Variants in CLMN observed in about 807,000 individuals in gnomAD.
The protein encoded by CLMN is calmin, also known as calmin (calponin-like, transmembrane).
Under a neutral mutation model 92.7 loss-of-function variants are expected in CLMN, and 57 were observed. The ratio of observed to expected loss-of-function variants is 0.61; its 90% confidence interval spans 0.50 to 0.77. CLMN has a LOEUF of 0.77. Among genes scored for constraint, CLMN ranks in the 30% least tolerant of loss-of-function variants. The pLI is 0.00. For missense variants in CLMN, 1,158 were observed against 1,237.5 expected, an observed-to-expected ratio of 0.94 and a Z score of 0.96; for synonymous variants, 466 against 470.6, an observed-to-expected ratio of 0.99 and a Z score of 0.13.
rs1032730281 is a variant in CLMN at position 95,185,839 on chromosome 14, C to G, written c.*5725G>C. Reference sequence around the variant, plus strand: ...AGTCCTTCTGGAGAGTTAAGAAAATCGGAGCTCATGTGAAAGCATTCTTGT... The same window carrying G: ...AGTCCTTCTGGAGAGTTAAGAAAATGGGAGCTCATGTGAAAGCATTCTTGT... On this transcript the variant is annotated 3_prime_UTR_variant, in exon 13 of 13. Coordinates refer to ENST00000298912, the MANE Select transcript of CLMN (RefSeq NM_024734.4). The G allele has an allele frequency of 3.3e-5, 5 of 152,174 alleles. No individual in the cohort carries two copies. The highest frequency in any genetic ancestry group is 5.9e-5 in the Non-Finnish European group (4 of 68,028). The allele number at this position is 152,174 out of a possible 1,614,324, so 9.4% of individuals were successfully genotyped here. A position where few individuals can be genotyped will look rare whatever the true frequency, so the allele number is the denominator to read the frequency against.
At chr14:95,295,447 A>G (rs1566919441) in intron 1 of CLMN, among the ~76,000 whole-genome samples, 1 of 152,152 alleles carries the variant, frequency 6.6e-6, no homozygotes, top group Non-Finnish European at 1.5e-5. Context: ...GAGGCAGTAG[A>G]TATACTGTAT....
intron 4 of CLMN, 90 bp downstream of exon 4, chr14:95,221,601 G>T: frequency 8.8e-7 from 1 of 1,136,516 alleles, no homozygotes; most frequent in Non-Finnish European, 1.3e-6. Context: ...CCCGTCTCAC[G>T]CTTCTCTTGC....
chr14:95,202,587 G>A (rs1404541281), intron 9 of CLMN, among the ~76,000 whole-genome samples: 1 of 152,202 alleles, frequency 6.6e-6, no homozygotes, highest in East Asian at 1.9e-4. Context: ...GCATACCTGT[G>A]AGTAGGGCCA....
At chr14:95,225,138 C>T (rs1897670427) in intron 2 of CLMN, among the ~76,000 whole-genome samples, 1 of 146,182 alleles carries the variant, frequency 6.8e-6, no homozygotes. Context: ...ACAAATCTAA[C>T]TCATTAAAGT....
At chr14:95,209,575 G>T in intron 7 of CLMN, 98 bp from the exon 8 acceptor site, 1 of 980,872 alleles carries the variant, frequency 1.0e-6, no homozygotes, top group Non-Finnish European at 1.6e-6. Flanking sequence ...ACAGATTATT[G>T]AAGGTTTTTT....
chr14:95,194,286 T>C lies in CLMN; in HGVS notation c.2769+250A>G, dbSNP rs1896639584. 1 of 1,409,386 alleles carries C rather than the reference T, an allele frequency of 7.1e-7. No individual in the cohort carries two copies. The highest frequency in any genetic ancestry group is 9.2e-7 in the Non-Finnish European group (1 of 1,086,282). 87.3% of individuals were successfully genotyped at this position (1,409,386 alleles called of 1,614,324 possible). ...GCGCGCGGGGTCCAGGTGAGGCGTTTTGGGTGCGTTTTTATAGCAAGGAGG... is the reference window on the plus strand; with the variant it reads ...GCGCGCGGGGTCCAGGTGAGGCGTTCTGGGTGCGTTTTTATAGCAAGGAGG... On this transcript the variant is annotated intron_variant, in intron 11 of 12. Transcript: ENST00000298912. This position sits in a 1 kb window ranked among gnomAD's most constrained non-coding sequence, Gnocchi z 4.0.
At chr14:95,234,022 A>G (rs1300029308) in intron 1 of CLMN, among the ~76,000 whole-genome samples, 1 of 152,224 alleles carries the variant, frequency 6.6e-6, no homozygotes, top group Non-Finnish European at 1.5e-5. Context: ...TAAAACTGGG[A>G]CGCATTGCTC....
chr14:95,290,143 C>A (rs1900507032), intron 1 of CLMN, among the ~76,000 whole-genome samples: 1 of 152,240 alleles, frequency 6.6e-6, no homozygotes, highest in Non-Finnish European at 1.5e-5. Flanking sequence ...TTGACACCTG[C>A]AGAGCCCTTC....
intron 12 of CLMN, among the ~76,000 whole-genome samples, chr14:95,193,601 C>T (rs904395750): frequency 2.6e-5 from 4 of 152,174 alleles, no homozygotes; most frequent in Admixed American, 1.3e-4. Context: ...AACCCAGACC[C>T]GTCTTTAAAC....
chr14:95,230,106 G>A lies in CLMN; in HGVS notation c.110C>T (p.Thr37Ile). Reference sequence around the variant, plus strand: ...ATGTAGATTTATCCATCGTGTAAAGGTCCTCTTCTGCACATTTTCCCTCTC... The same window carrying A: ...ATGTAGATTTATCCATCGTGTAAAGATCCTCTTCTGCACATTTTCCCTCTC... Reference protein sequence around the residue: ...QVERENVQKRTFTRWINLHLE... With the variant: ...QVERENVQKRIFTRWINLHLE... The change falls in exon 2 of 13, where the codon ACC becomes ATC. Residue 37 changes from threonine to isoleucine, a missense_variant. Transcript: ENST00000298912. 1 of 1,614,116 alleles carries A rather than the reference G, an allele frequency of 6.2e-7. No individual in the cohort carries two copies. The highest frequency in any genetic ancestry group is 2.2e-5 in the East Asian group (1 of 44,892).
At chr14:95,254,042 C>T (rs1218396920) in intron 1 of CLMN, among the ~76,000 whole-genome samples, 1 of 152,158 alleles carries the variant, frequency 6.6e-6, no homozygotes, top group African/African-American at 2.4e-5. Flanking sequence ...TCCGAGAACC[C>T]CTGTCAAGAT....
chr14:95,262,652 T>A (rs8003563), intron 1 of CLMN, among the ~76,000 whole-genome samples: 36,627 of 152,042 alleles, frequency 0.24, 5,820 homozygotes, highest in African/African-American at 0.45. Flanking sequence ...TGCAGCCTCA[T>A]CCTCTCCAGG....
In CLMN at chr14:95,189,494, A is replaced by C. The variant is rs941626959; in HGVS notation, c.*2070T>G. The C allele has an allele frequency of 1.3e-5, 2 of 152,212 alleles. No individual in the cohort carries two copies. The highest frequency in any genetic ancestry group is 4.8e-5 in the African/African-American group (2 of 41,460). The allele number at this position is 152,212 out of a possible 1,614,324, so 9.4% of individuals were successfully genotyped here. A position where few individuals can be genotyped will look rare whatever the true frequency, so the allele number is the denominator to read the frequency against. ...TTTGCAAAATATCAGTTGACTGCCA[A>C]CCTGAACCAAATGACTTTCAGGCAT... On this transcript the variant is annotated 3_prime_UTR_variant, in exon 13 of 13. Transcript: ENST00000298912.
intron 1 of CLMN, among the ~76,000 whole-genome samples, chr14:95,251,368 C>T (rs752487093): frequency 2.0e-4 from 30 of 152,182 alleles, no homozygotes; most frequent in Non-Finnish European, 2.8e-4. Flanking sequence ...AAAAGGGACT[C>T]GTCTCCTAGT....
intron 1 of CLMN, among the ~76,000 whole-genome samples, chr14:95,247,347 G>A (rs752587608): frequency 1.3e-5 from 2 of 152,196 alleles, no homozygotes; most frequent in African/African-American, 4.8e-5. Context: ...CTTGGCCAAG[G>A]CTCAGCCATC....
chr14:95,197,300 A>C (rs139087436), intron 9 of CLMN, among the ~76,000 whole-genome samples: 1 of 152,002 alleles, frequency 6.6e-6, no homozygotes, highest in East Asian at 1.9e-4. Flanking sequence ...AGGAGGAGGA[A>C]GAAGAAGAAA....
chr14:95,200,232 A>C (rs1595558674), intron 9 of CLMN, among the ~76,000 whole-genome samples: 6 of 138,842 alleles, frequency 4.3e-5, no homozygotes, highest in East Asian at 2.1e-4. Context: ...TCTGGGTGGG[A>C]GCCTCCTTCT....
At position 95,188,203 on chromosome 14, in the gene CLMN, A is replaced by G. The variant is rs923910331; in HGVS notation, c.*3361T>C. On this transcript the variant is annotated 3_prime_UTR_variant, in exon 13 of 13. Coordinates refer to ENST00000298912, the MANE Select transcript of CLMN (RefSeq NM_024734.4). ...ACTCTTAAAACATGAACAGATCCAT[A>G]GGATCACCATATATTTGAGAAAAAT... 1.3e-5 allele frequency: 2 copies of G among 152,224 alleles called. No homozygotes were observed. The highest frequency in any genetic ancestry group is 2.4e-5 in the African/African-American group (1 of 41,456). The allele number at this position is 152,224 out of a possible 1,614,324, so 9.4% of individuals were successfully genotyped here.
chr14:95,302,424 C>T (rs1000917175), intron 1 of CLMN, among the ~76,000 whole-genome samples: 1 of 152,104 alleles, frequency 6.6e-6, no homozygotes, highest in African/African-American at 2.4e-5. Flanking sequence ...ATGAGCCACA[C>T]ACAAAATGTT....
Sources: gnomAD v4.1 joint callset for allele counts (sites outside exome capture counted in the v4.1 genomes callset) on GRCh38, gnomAD v4.1.1 for gene constraint, Gnocchi (gnomAD v3.1) non-coding constraint, MANE v1.5 for transcripts, NCBI Gene and HGNC (gene_info 2026-07-23, HGNC 2026-07-21) for gene names.